Variants in LPA observed in about 807,000 individuals in gnomAD.
The protein encoded by LPA is apolipoprotein(a).
Under a neutral mutation model 197.9 loss-of-function variants are expected in LPA, and 199 were observed. That is an observed-to-expected ratio of 1.01 (90% CI 0.90 to 1.13). The LOEUF (loss-of-function observed/expected upper bound fraction) is 1.13. LPA is among the 50% of genes most tolerant of loss of function. The pLI, the probability that LPA is intolerant of heterozygous loss-of-function variation, is 0.00. For missense variants in LPA, 1,853 were observed against 1,785.8 expected (o/e 1.04, Z -0.68); for synonymous variants, 715 against 639.5 (o/e 1.12, Z -1.78).
rs139268090 is a variant in LPA, at chr6:160,547,094, A to T, written c.5304+695T>A. Among the ~76,000 whole-genome samples the T allele has an allele frequency of 5.3e-3, 809 of 152,292 alleles. 10 individuals are homozygous for T. Among genetic ancestry groups the T allele is most frequent in the African/African-American group, 0.019 (789 of 41,548 alleles). On this transcript the variant is annotated intron_variant, in intron 32 of 38. Transcript: ENST00000316300. ...GGGGGCGATGGTTAAAGGATGACTC[A>T]AGTACCTTCCATTTATCGTGCACTT...
intron 21 of LPA, 72 bp from the exon 22 acceptor site, chr6:160,594,189 T>A: frequency 6.4e-7 from 1 of 1,564,038 alleles, no homozygotes; most frequent in Admixed American, 1.7e-5. Context: ...AATCTGTGAC[T>A]GAAACAGGAT....
chr6:160,650,644 C>A (rs1165011952), intron 1 of LPA, 147 bp from the exon 2 acceptor site: 1 of 720,894 alleles, frequency 1.4e-6, no homozygotes, highest in Non-Finnish European at 2.5e-6. Context: ...GTGCAAAAAA[C>A]CAAAGGAATA....
chr6:160,651,666 G>A (rs990291411), intron 1 of LPA, among the ~76,000 whole-genome samples: 4 of 152,166 alleles, frequency 2.6e-5, no homozygotes, highest in African/African-American at 9.7e-5. Context: ...GAAGAGGGAA[G>A]ATAAGTCACT....
intron 1 of LPA, among the ~76,000 whole-genome samples, chr6:160,659,323 T>G (rs1332982839): frequency 2.6e-5 from 4 of 152,138 alleles, no homozygotes; most frequent in Non-Finnish European, 5.9e-5. Context: ...AGGATCTTTT[T>G]TCCTTCCCTA....
intron 22 of LPA, among the ~76,000 whole-genome samples, chr6:160,591,854 G>A: frequency 6.6e-6 from 1 of 152,022 alleles, no homozygotes; most frequent in East Asian, 1.9e-4. Flanking sequence ...CCCTTTCCTT[G>A]TGTCTTATTT....
chr6:160,587,730 G>C (rs1778937819), intron 24 of LPA, among the ~76,000 whole-genome samples: 1 of 149,296 alleles, frequency 6.7e-6, no homozygotes, highest in African/African-American at 2.5e-5. Flanking sequence ...TTGAGGCTCT[G>C]TTGATTAATA....
At chr6:160,594,774 C>A (rs985814068) in intron 21 of LPA, among the ~76,000 whole-genome samples, 2 of 152,182 alleles carry the variant, frequency 1.3e-5, no homozygotes, top group African/African-American at 4.8e-5. Context: ...GGGGCAAGAA[C>A]ACTGAGAGAT....
rs770999731 is a variant in LPA, at chr6:160,606,554, C to G, written c.2708G>C (p.Cys903Ser). Residue 903 changes from cysteine (C) to serine (S), a missense_variant, in exon 17 of 39, where the codon TGC becomes TCC. Coordinates refer to ENST00000316300, the MANE Select transcript of LPA (RefSeq NM_005577.4). ...GACGGCAGTCCCTTCTGCGTCTGAG[C>G]ATTGTGTCAGGTTGCAGTACTCCCA... is the stretch of plus-strand genomic sequence containing the variant. ...VRWEYCNLTQ[C>S]SDAEGTAVAP... is the part of the protein sequence containing the mutation. 6 of 1,613,692 alleles carry G rather than the reference C, an allele frequency of 3.7e-6. No individual in the cohort carries two copies. In the Admixed American group the frequency reaches 5.0e-5, roughly 13 times the overall value.
chr6:160,557,275 C>T, intron 29 of LPA, 115 bp downstream of exon 29: 1 of 1,278,084 alleles, frequency 7.8e-7, no homozygotes, highest in African/African-American at 1.5e-5. Context: ...CTTCTTTCCA[C>T]CTGCCATACC....
intron 29 of LPA, among the ~76,000 whole-genome samples, chr6:160,557,151 C>G (rs890398116): frequency 6.6e-6 from 1 of 152,108 alleles, no homozygotes; most frequent in East Asian, 1.9e-4. Flanking sequence ...GAGATAACCC[C>G]TTTCATAACA....
chr6:160,584,237 T>TTCTTCTTCC lies in LPA; in HGVS notation c.4289+808_4289+809insGGAAGAAGA, dbSNP rs1554235539. 7.1e-3 allele frequency among the ~76,000 whole-genome samples: 488 copies of TTCTTCTTCC among 69,132 alleles called. 2 individuals are homozygous for TTCTTCTTCC. Among genetic ancestry groups the TTCTTCTTCC allele is most frequent in the Middle Eastern group, 0.028 (4 of 142 alleles). The allele number at this position is 69,132 out of a possible 152,430, so 45.4% of individuals were successfully genotyped here. ...CTTCTTCTTCTTCTTCTTCTTCTTC[T>TTCTTCTTCC]TCCTCCTCCTCCTCCTCCTCCTCTT... On this transcript the variant is annotated intron_variant, in intron 26 of 38. Transcript: ENST00000316300.
intron 18 of LPA, among the ~76,000 whole-genome samples, chr6:160,603,999 CA>C (rs1422035376): frequency 6.6e-6 from 1 of 152,172 alleles, no homozygotes; most frequent in Non-Finnish European, 1.5e-5. Flanking sequence ...GCTCACTGTT[CA>C]ATCGCAGTTG....
At chr6:160,585,755 C>T (rs1778898992) in intron 25 of LPA, among the ~76,000 whole-genome samples, 1 of 152,012 alleles carries the variant, frequency 6.6e-6, no homozygotes, top group African/African-American at 2.4e-5. Context: ...AATTTTATAG[C>T]CTAGGAGGGG....
At chr6:160,581,809 T>C (rs1583594734) in intron 26 of LPA, among the ~76,000 whole-genome samples, 1 of 152,188 alleles carries the variant, frequency 6.6e-6, no homozygotes, top group South Asian at 2.1e-4. Context: ...TTGTGAAAAG[T>C]GACATTGGAT....
chr6:160,601,498 C>A (rs1421784882), intron 18 of LPA, among the ~76,000 whole-genome samples: 2 of 152,128 alleles, frequency 1.3e-5, no homozygotes, highest in Non-Finnish European at 2.9e-5. Context: ...TCTAGCTCTC[C>A]GTATCTCTCT....
chr6:160,564,884 AGCCTT>A (rs1778423879), intron 28 of LPA, among the ~76,000 whole-genome samples: 1 of 152,158 alleles, frequency 6.6e-6, no homozygotes, highest in Non-Finnish European at 1.5e-5. Context: ...ATGCCCACAG[AGCCTT>A]GCTCACTGCT....
At position 160,578,545 on chromosome 6, in the gene LPA, G is replaced by T. The variant is rs755904089; in HGVS notation, c.4449C>A (p.Ser1483Arg). The T allele has an allele frequency of 3.3e-5, 53 of 1,613,760 alleles. No homozygotes were observed. Among genetic ancestry groups the T allele is most frequent in the Admixed American group, 6.7e-5 (4 of 59,994 alleles). The stretch of plus-strand genomic sequence containing the variant: ...TACCTTGTTCAGAAGGAGCCTCTGT[G>T]CTTGGAACCGGGGCCACTGTGGGAG... ...LTTPTVAPVP[S>R]TEAPSEQAPP... Residue 1483 changes from serine (S) to arginine (R), a missense_variant, in exon 27 of 39, where the codon AGC (serine) becomes AGA (arginine). Ser to Arg is a moderately radical substitution (Grantham distance 110). Coordinates refer to ENST00000316300, the MANE Select transcript of LPA (RefSeq NM_005577.4).
At position 160,606,410 on chromosome 6, in the gene LPA, G is replaced by A. The variant is rs1779351953; in HGVS notation, c.2785+67C>T. The A allele has an allele frequency of 1.6e-5, 25 of 1,579,586 alleles. No homozygotes were observed. In the South Asian group the frequency reaches 2.5e-4, roughly 16 times the overall value. Reference sequence around the variant, plus strand: ...TTTACCATTGGAGGCTGCTGCATCAGTGGGAATTTCCATGGCTTTTCATCC... The same window carrying A: ...TTTACCATTGGAGGCTGCTGCATCAATGGGAATTTCCATGGCTTTTCATCC... On this transcript the variant is annotated intron_variant, in intron 17 of 38. Transcript: ENST00000316300.
intron 34 of LPA, 150 bp downstream of exon 34, chr6:160,542,538 T>C (rs545455454): frequency 8.1e-7 from 1 of 1,230,560 alleles, no homozygotes; most frequent in Admixed American, 2.8e-5. Context: ...ATAATATAAC[T>C]TTTTTTAATT....
Sources: gnomAD v4.1 joint callset for allele counts (sites outside exome capture counted in the v4.1 genomes callset) on GRCh38, gnomAD v4.1.1 for gene constraint, MANE v1.5 for transcripts, NCBI Gene and HGNC (gene_info 2026-07-23, HGNC 2026-07-21) for gene names.